Variants in SGCZ observed in about 807,000 individuals in gnomAD.
The protein encoded by SGCZ is sarcoglycan zeta.
SGCZ carries 40 observed loss-of-function variants against 41.3 expected under a neutral mutation model. The ratio of observed to expected loss-of-function variants is 0.97; its 90% confidence interval spans 0.75 to 1.26. The LOEUF (loss-of-function observed/expected upper bound fraction) is 1.26. Among genes scored for constraint, SGCZ ranks in the 50% most tolerant of loss-of-function variants. SGCZ has a pLI of 0.00. For missense variants in SGCZ, 552 were observed against 369.8 expected (o/e 1.49, Z -4.04); for synonymous variants, 206 against 137.5 (o/e 1.50, Z -3.49).
At chr8:14,243,384 C>A (rs1798960522) in intron 3 of SGCZ, among the ~76,000 whole-genome samples, 1 of 152,096 alleles carries the variant, frequency 6.6e-6, no homozygotes. Flanking sequence ...TTTTCCATGC[C>A]TACTTCTCTA....
intron 1 of SGCZ, among the ~76,000 whole-genome samples, chr8:15,206,475 G>C (rs1167084208): frequency 6.8e-6 from 1 of 146,570 alleles, no homozygotes; most frequent in Non-Finnish European, 1.5e-5. Flanking sequence ...TCTTGAGATG[G>C]AGTCTCACTC....
chr8:14,819,932 C>A (rs968094674), intron 1 of SGCZ, among the ~76,000 whole-genome samples: 1 of 151,960 alleles, frequency 6.6e-6, no homozygotes, highest in Non-Finnish European at 1.5e-5. Flanking sequence ...CTAAAGTAAA[C>A]AGCCACAGAG....
chr8:15,015,746 TG>T (rs1803007163), intron 1 of SGCZ, among the ~76,000 whole-genome samples: 3 of 149,488 alleles, frequency 2.0e-5, no homozygotes, highest in African/African-American at 4.9e-5. Flanking sequence ...TGTGTGTGTG[TG>T]TGTGTGTGTG....
intron 4 of SGCZ, among the ~76,000 whole-genome samples, chr8:14,232,531 A>G (rs1806608358): frequency 6.6e-6 from 1 of 152,074 alleles, no homozygotes; most frequent in East Asian, 1.9e-4. Context: ...AAAACAGAAA[A>G]TGAGAAATTA....
intron 6 of SGCZ, 118 bp downstream of exon 6, chr8:14,108,045 A>G: frequency 1.3e-6 from 1 of 784,876 alleles, no homozygotes; most frequent in South Asian, 2.1e-5. Context: ...TCATTTTTGT[A>G]TTTATTTTAA....
chr8:15,038,083 T>C (rs903329881), intron 1 of SGCZ, among the ~76,000 whole-genome samples: 2 of 94,544 alleles, frequency 2.1e-5, no homozygotes, highest in African/African-American at 6.8e-5. Flanking sequence ...AGTGACGTTT[T>C]TAAACAGAAA....
intron 1 of SGCZ, among the ~76,000 whole-genome samples, chr8:14,934,112 C>G (rs576715116): frequency 6.1e-4 from 92 of 151,990 alleles, no homozygotes; most frequent in African/African-American, 2.2e-3. Context: ...TTAGTCCTTA[C>G]AAAAACATAT....
intron 1 of SGCZ, among the ~76,000 whole-genome samples, chr8:14,848,412 A>G (rs891436451): frequency 6.6e-6 from 1 of 152,212 alleles, no homozygotes; most frequent in Non-Finnish European, 1.5e-5. Flanking sequence ...GTTTAAAAAG[A>G]GGAACCAAAT....
chr8:15,209,829 C>T (rs970288492), intron 1 of SGCZ, among the ~76,000 whole-genome samples: 1 of 151,986 alleles, frequency 6.6e-6, no homozygotes, highest in African/African-American at 2.4e-5. Flanking sequence ...TCTCCCAGCC[C>T]CCGGAAGTAA....
intron 1 of SGCZ, among the ~76,000 whole-genome samples, chr8:14,781,224 A>G (rs1260721109): frequency 1.3e-5 from 2 of 152,034 alleles, no homozygotes; most frequent in South Asian, 2.1e-4. Flanking sequence ...CTTTTTAAAA[A>G]TATAATTACT....
chr8:14,680,917 T>C (rs1808421157), intron 1 of SGCZ, among the ~76,000 whole-genome samples: 2 of 133,044 alleles, frequency 1.5e-5, no homozygotes, highest in African/African-American at 6.2e-5. Flanking sequence ...CTTGAAAATA[T>C]GGCAACTTGA....
intron 2 of SGCZ, among the ~76,000 whole-genome samples, chr8:14,441,671 T>A (rs1388948487): frequency 6.6e-6 from 1 of 152,216 alleles, no homozygotes. Context: ...TCTCAAGGGT[T>A]TGGCTTTGTA....
At chr8:15,213,953 G>A (rs537827076) in intron 1 of SGCZ, among the ~76,000 whole-genome samples, 1 of 152,074 alleles carries the variant, frequency 6.6e-6, no homozygotes, top group South Asian at 2.1e-4. Flanking sequence ...GGGTTCAGCT[G>A]TACTCTTTGA....
chr8:14,104,527 T>G (rs151035527), intron 6 of SGCZ, among the ~76,000 whole-genome samples: 25 of 152,122 alleles, frequency 1.6e-4, no homozygotes, highest in African/African-American at 5.8e-4. Context: ...GAGGCAATTA[T>G]TAAATATTAA....
At position 14,480,624 on chromosome 8, in the gene SGCZ, G is replaced by A. The variant is rs375003546; in HGVS notation, c.234+74108C>T. Among the ~76,000 whole-genome samples the A allele has an allele frequency of 7.2e-5, 11 of 152,010 alleles. No homozygotes were observed. In the East Asian group the frequency reaches 1.2e-3, roughly 16 times the overall value. On this transcript the variant is annotated intron_variant, in intron 2 of 7. Transcript: ENST00000382080. ...GCTGACTCCTTCAGTAACAGAGCTC[G>A]GGGCTTGAAATTCTAACCTTACAAA...
At chr8:14,421,622 C>G (rs767952320) in intron 2 of SGCZ, among the ~76,000 whole-genome samples, 6 of 152,164 alleles carry the variant, frequency 3.9e-5, no homozygotes, top group Non-Finnish European at 5.9e-5. Flanking sequence ...TCATATAGAA[C>G]CACAGATGTG....
chr8:14,986,372 C>T (rs986883515), intron 1 of SGCZ, among the ~76,000 whole-genome samples: 1 of 151,828 alleles, frequency 6.6e-6, no homozygotes, highest in African/African-American at 2.4e-5. Context: ...CTCTAAAAAC[C>T]CAGCTTTTAA....
chr8:14,752,550 T>C (rs1466139840), intron 1 of SGCZ, among the ~76,000 whole-genome samples: 1 of 152,186 alleles, frequency 6.6e-6, no homozygotes, highest in Non-Finnish European at 1.5e-5. Context: ...CTATAAGCTC[T>C]GTGACAGTAC....
chr8:14,658,866 GA>G (rs1443751430), intron 1 of SGCZ, among the ~76,000 whole-genome samples: 2 of 150,628 alleles, frequency 1.3e-5, no homozygotes, highest in Non-Finnish European at 3.0e-5. Context: ...AGGAGGGAAG[GA>G]AAAAAAGAGA....
Sources: allele counts gnomAD v4.1 joint callset (sites outside exome capture counted in the v4.1 genomes callset), GRCh38; gene constraint gnomAD v4.1.1; transcripts MANE v1.5; gene names NCBI Gene and HGNC (gene_info 2026-07-23, HGNC 2026-07-21).